METTL15: variants seen among roughly 807,000 people sequenced by gnomAD.
METTL15 encodes 12S rRNA N(4)-cytidine methyltransferase METTL15.
A neutral mutation model predicts 38.3 loss-of-function variants in METTL15; 34 were observed. That is an observed-to-expected ratio of 0.89 (90% CI 0.68 to 1.18). The LOEUF (loss-of-function observed/expected upper bound fraction) is 1.18, where lower values mean the gene tolerates loss of function less well. METTL15 is among the 50% of genes most tolerant of loss of function. The probability of loss-of-function intolerance (pLI) is 0.00; values close to 1 mark genes in which losing one functional copy is unlikely to be tolerated. For missense variants in METTL15, 438 were observed against 498.4 expected (o/e 0.88, Z 1.15); for synonymous variants, 162 against 170.9 (o/e 0.95, Z 0.41).
Position 28,177,947 on chromosome 11 carries a change from G to A in METTL15, c.271-33115G>A, listed in dbSNP as rs568185248. On this transcript the variant is annotated intron_variant, in intron 3 of 6. Transcript: ENST00000407364. ...CAAAATTGAAGACATAAGCATAATCGAAGACAGTTACTCTTATTATATTAT... is the reference window on the plus strand; with the variant it reads ...CAAAATTGAAGACATAAGCATAATCAAAGACAGTTACTCTTATTATATTAT... 4.6e-5 allele frequency among the ~76,000 whole-genome samples: 7 copies of A among 152,026 alleles called. No homozygotes were observed. The South Asian group carries it at 6.2e-4, about 14-fold the overall frequency.
intron 6 of METTL15, among the ~76,000 whole-genome samples, chr11:28,460,245 C>G (rs1851203344): frequency 6.6e-6 from 1 of 152,074 alleles, no homozygotes; most frequent in Non-Finnish European, 1.5e-5. Flanking sequence ...TTGGCACCGT[C>G]TTACTTGTAA....
At chr11:28,318,463 G>A (rs1200718313) in intron 6 of METTL15, among the ~76,000 whole-genome samples, 1 of 152,130 alleles carries the variant, frequency 6.6e-6, no homozygotes, top group Non-Finnish European at 1.5e-5. Context: ...GGCATTCTAG[G>A]CCGAAGGAAC....
At chr11:28,502,548 A>G (rs1470507055) in intron 6 of METTL15, among the ~76,000 whole-genome samples, 1 of 152,250 alleles carries the variant, frequency 6.6e-6, no homozygotes, top group East Asian at 1.9e-4. Context: ...CCTACTATCC[A>G]AAAGGGTAGC....
intron 6 of METTL15, among the ~76,000 whole-genome samples, chr11:28,506,512 A>T (rs1219385255): frequency 6.6e-6 from 1 of 152,182 alleles, no homozygotes; most frequent in African/African-American, 2.4e-5. Flanking sequence ...AGTGGTAACT[A>T]TTATTATACA....
chr11:28,402,386 A>G (rs1332189784), intron 5 of METTL15, among the ~76,000 whole-genome samples: 5 of 151,722 alleles, frequency 3.3e-5, no homozygotes, highest in African/African-American at 1.2e-4. Flanking sequence ...TCCAATCACT[A>G]CTCCCTACCC....
At chr11:28,222,393 C>A (rs921485210) in intron 4 of METTL15, among the ~76,000 whole-genome samples, 2 of 152,214 alleles carry the variant, frequency 1.3e-5, no homozygotes, top group Non-Finnish European at 2.9e-5. Flanking sequence ...TTTGCTAAGA[C>A]CGTCAGAAAA....
At chr11:28,428,138 CGTT>C (rs1452432927) in intron 6 of METTL15, among the ~76,000 whole-genome samples, 5 of 152,240 alleles carry the variant, frequency 3.3e-5, no homozygotes, top group African/African-American at 9.6e-5. Context: ...TTTGTACAAA[CGTT>C]GTAGAGTGTA....
chr11:28,319,929 G>T (rs904185650), intron 6 of METTL15, among the ~76,000 whole-genome samples: 2 of 152,144 alleles, frequency 1.3e-5, no homozygotes, highest in African/African-American at 4.8e-5. Context: ...AATGCTGTGC[G>T]ATACAGAGTC....
rs145397537 is a variant in METTL15 at position 28,468,724 on chromosome 11, C to T, written c.*424+44360C>T. 4.0e-3 allele frequency among the ~76,000 whole-genome samples: 610 copies of T among 152,210 alleles called. 3 individuals carry two copies. The highest frequency in any genetic ancestry group is 6.8e-3 in the Non-Finnish European group (464 of 68,006). ...GTCCCAAAGTCAGCAAAGGGAGCTT[C>T]GTGACAGGGGCATTCATACAGGCCA... On this transcript the variant is annotated intron_variant and NMD_transcript_variant, in intron 6 of 7. Coordinates refer to the METTL15 transcript ENST00000532947.
chr11:28,139,499 G>C (rs527973104), intron 3 of METTL15, among the ~76,000 whole-genome samples: 12 of 152,244 alleles, frequency 7.9e-5, no homozygotes, highest in African/African-American at 2.2e-4. Context: ...TTAACAGGGG[G>C]CCTAGGAGGT....
chr11:28,293,159 G>A (rs1174925833), intron 5 of METTL15, among the ~76,000 whole-genome samples: 1 of 152,082 alleles, frequency 6.6e-6, no homozygotes, highest in Non-Finnish European at 1.5e-5. Context: ...GTATTGCCTA[G>A]GTTTTCTCCT....
chr11:28,191,403 G>T (rs929946261), intron 3 of METTL15, among the ~76,000 whole-genome samples: 1 of 151,240 alleles, frequency 6.6e-6, no homozygotes, highest in Non-Finnish European at 1.5e-5. Context: ...AATAGAAGTT[G>T]AAGGGATTAA....
intron 3 of METTL15, among the ~76,000 whole-genome samples, chr11:28,200,276 C>T (rs1164935426): frequency 6.6e-6 from 1 of 152,130 alleles, no homozygotes; most frequent in East Asian, 1.9e-4. Context: ...TCTTCCTAAA[C>T]CTCCCTTTCT....
chr11:28,252,937 T>C (rs1854807801), intron 4 of METTL15, among the ~76,000 whole-genome samples: 1 of 152,184 alleles, frequency 6.6e-6, no homozygotes, highest in African/African-American at 2.4e-5. Context: ...TTCTCTGGTC[T>C]TCTGTAACTT....
intron 4 of METTL15, among the ~76,000 whole-genome samples, chr11:28,285,328 C>G (rs1475308491): frequency 1.3e-5 from 2 of 151,734 alleles, no homozygotes; most frequent in Non-Finnish European, 1.5e-5. Context: ...TGTGGCCCAA[C>G]ACAAATTTAT....
intron 3 of METTL15, among the ~76,000 whole-genome samples, chr11:28,205,963 T>C (rs1288765328): frequency 6.8e-6 from 1 of 146,704 alleles, no homozygotes; most frequent in East Asian, 2.0e-4. Flanking sequence ...TGTTTGTTTT[T>C]TTCTTGTAAA....
chr11:28,246,947 G>A (rs1402136883), intron 4 of METTL15, among the ~76,000 whole-genome samples: 2 of 152,036 alleles, frequency 1.3e-5, no homozygotes, highest in Admixed American at 1.3e-4. Context: ...AAACTTTTAA[G>A]CATTTTTGAA....
intron 4 of METTL15, among the ~76,000 whole-genome samples, chr11:28,360,996 T>G (rs1348965762): frequency 1.3e-5 from 2 of 152,172 alleles, no homozygotes; most frequent in Non-Finnish European, 2.9e-5. Flanking sequence ...ACTCATCATT[T>G]TTTTATGACT....
chr11:28,450,491 C>A (rs1851111112), intron 6 of METTL15, among the ~76,000 whole-genome samples: 1 of 152,126 alleles, frequency 6.6e-6, no homozygotes, highest in Non-Finnish European at 1.5e-5. Flanking sequence ...ATGTAAAAGC[C>A]TTTTGTATGT....
Sources: gnomAD v4.1 joint callset for allele counts (sites outside exome capture counted in the v4.1 genomes callset) on GRCh38, gnomAD v4.1.1 for gene constraint, MANE v1.5 for transcripts, NCBI Gene and HGNC (gene_info 2026-07-23, HGNC 2026-07-21) for gene names.